Variants in TRAPPC13 observed in about 807,000 individuals in gnomAD.
The protein encoded by TRAPPC13 is trafficking protein particle complex subunit 13, also known as REV7-interacting novel NHEJ regulator 1.
In TRAPPC13, 39 loss-of-function variants were observed where a neutral mutation model predicts 54.0. The observed-to-expected ratio is 0.72, with a 90% CI of 0.56 to 0.94. TRAPPC13 has a LOEUF of 0.94. TRAPPC13 is among the 40% of genes least tolerant of loss of function. The pLI, the probability that TRAPPC13 is intolerant of heterozygous loss-of-function variation, is 0.00. For missense variants in TRAPPC13, 386 were observed against 488.1 expected (o/e 0.79, Z 1.97); for synonymous variants, 148 against 167.7 (o/e 0.88, Z 0.91).
At chr5:65,627,545 A>C (rs958897040) in intron 1 of TRAPPC13, among the ~76,000 whole-genome samples, 11 of 151,852 alleles carry the variant, frequency 7.2e-5, no homozygotes, top group Middle Eastern at 3.4e-3. Context: ...CACAAGAATC[A>C]CTTGACCCTG....
intron 4 of TRAPPC13, among the ~76,000 whole-genome samples, chr5:65,640,957 A>C (rs1755943093): frequency 6.7e-6 from 1 of 150,298 alleles, no homozygotes; most frequent in Non-Finnish European, 1.5e-5. Flanking sequence ...TTTTTGAGAG[A>C]GGATCTAGCT....
intron 1 of TRAPPC13, among the ~76,000 whole-genome samples, chr5:65,633,016 G>T (rs1236899048): frequency 6.6e-6 from 1 of 152,126 alleles, no homozygotes; most frequent in Non-Finnish European, 1.5e-5. Flanking sequence ...CATGGAGTTT[G>T]GAAAGGAGTG....
rs1204533712 is a variant in TRAPPC13 at position 65,658,348 on chromosome 5, T to C, written c.565-20T>C. ...TTAAATGCCACCACACCTTGGTGGATATTTTTTTCATATCCTCAGACTGAT... is the reference window on the plus strand; with the variant it reads ...TTAAATGCCACCACACCTTGGTGGACATTTTTTTCATATCCTCAGACTGAT... On this transcript the variant is annotated intron_variant, in intron 8 of 12. Transcript: ENST00000399438. The C allele has an allele frequency of 2.5e-6, 4 of 1,576,180 alleles. No individual in the cohort carries two copies. The South Asian group carries it at 3.5e-5, about 14-fold the overall frequency.
In TRAPPC13 at chr5:65,650,824, T is replaced by C. The variant is rs1756401593; in HGVS notation, c.443T>C (p.Val148Ala). 3.1e-6 allele frequency: 5 copies of C among 1,613,056 alleles called. No homozygotes were observed. The highest frequency in any genetic ancestry group is 4.2e-6 in the Non-Finnish European group (5 of 1,179,658). ...EIGTHILVCA[V>A]SYTTQAGEKM... ...TTCTGTTTCAGCTTGGTATGTGCTG[T>C]GAGTTATACAACTCAGGCTGGAGAA... The change falls in exon 6 of 13, where the codon GTG (valine) becomes GCG (alanine). Residue 148 changes from valine to alanine, a missense_variant. By Grantham distance (64) the Val-to-Ala change is moderately conservative. Coordinates refer to ENST00000399438, the MANE Select transcript of TRAPPC13 (RefSeq NM_024941.4).
chr5:65,630,301 T>C lies in TRAPPC13; in HGVS notation c.47-5000T>C, dbSNP rs570434323. On this transcript the variant is annotated intron_variant, in intron 1 of 12. Coordinates refer to ENST00000399438, the MANE Select transcript of TRAPPC13 (RefSeq NM_024941.4). The stretch of plus-strand genomic sequence containing the variant: ...GATTAGCTCTTACTGGAAAAATTAA[T>C]TTATTTGTGCATAAATATGGTGTTA... 9.1e-6 allele frequency: 14 copies of C among 1,530,062 alleles called. No homozygotes were observed. In the South Asian group the frequency reaches 1.1e-4, roughly 12 times the overall value. 94.8% of individuals were successfully genotyped at this position (1,530,062 alleles called of 1,614,324 possible).
chr5:65,625,911 G>C (rs1421396210), intron 1 of TRAPPC13: 1 of 152,130 alleles, frequency 6.6e-6, no homozygotes. Flanking sequence ...ATTGAATTGC[G>C]CTTACTTTAC....
rs778318100 is a variant in TRAPPC13 at position 65,664,501 on chromosome 5, T to C, written c.1147-3T>C. On this transcript the variant is annotated splice_region_variant and splice_polypyrimidine_tract_variant and intron_variant, in intron 12 of 12. Coordinates refer to ENST00000399438, the MANE Select transcript of TRAPPC13 (RefSeq NM_024941.4). ...TTAGACTCATCTCTCTCTCTCTCAATAGAGCATCTCTGGCTTAAGACTAAC... is the reference window on the plus strand; with the variant it reads ...TTAGACTCATCTCTCTCTCTCTCAACAGAGCATCTCTGGCTTAAGACTAAC... The C allele has an allele frequency of 6.2e-7, 1 of 1,604,406 alleles. No individual in the cohort carries two copies.
At chr5:65,641,415 G>A (rs1331248998) in intron 4 of TRAPPC13, among the ~76,000 whole-genome samples, 1 of 152,134 alleles carries the variant, frequency 6.6e-6, no homozygotes, top group Admixed American at 6.6e-5. Context: ...GGAACAATAT[G>A]TGCATCAGGC....
At chr5:65,655,983 C>T (rs1023109604) in intron 8 of TRAPPC13, among the ~76,000 whole-genome samples, 4 of 151,872 alleles carry the variant, frequency 2.6e-5, no homozygotes, top group Admixed American at 1.3e-4. Context: ...GTAAAATACC[C>T]GATTATCCTA....
chr5:65,665,440 G>T lies in TRAPPC13; in HGVS notation c.*829G>T, dbSNP rs192471807. The T allele has an allele frequency of 6.6e-6, 1 of 152,112 alleles. No individual in the cohort carries two copies. Among genetic ancestry groups the T allele is most frequent in the East Asian group, 1.9e-4 (1 of 5,182 alleles). The allele number at this position is 152,112 out of a possible 1,614,324, so 9.4% of individuals were successfully genotyped here. The stretch of plus-strand genomic sequence containing the variant: ...TAGTTGTTTTCAAAATTACTGTAAT[G>T]GTTTGTGTCTGTATTTGTATATTAT... On this transcript the variant is annotated 3_prime_UTR_variant, in exon 13 of 13. Transcript: ENST00000399438.
chr5:65,631,338 G>A (rs1457414077), intron 1 of TRAPPC13, among the ~76,000 whole-genome samples: 2 of 152,126 alleles, frequency 1.3e-5, no homozygotes, highest in Admixed American at 6.5e-5. Context: ...AGATGGCTGA[G>A]GTTGCTTAAA....
intron 6 of TRAPPC13, 140 bp downstream of exon 6, chr5:65,651,022 A>G: frequency 1.6e-6 from 1 of 640,628 alleles, no homozygotes; most frequent in Non-Finnish European, 2.8e-6. Context: ...TCATATGACT[A>G]GCAGTCTAAA....
At position 65,653,104 on chromosome 5, in the gene TRAPPC13, T is replaced by TA. The variant is rs747220385; in HGVS notation, c.546+568dup. On this transcript the variant is annotated intron_variant, in intron 7 of 12. Transcript: ENST00000399438. ...ATAGAAGATACTCTATCTTTTACCC[T>TA]AAAAAAAAAGAGATAAAATAGAACT... 3.1e-3 allele frequency among the ~76,000 whole-genome samples: 188 copies of TA among 60,294 alleles called. 2 individuals are homozygous for TA. Among genetic ancestry groups the TA allele is most frequent in the East Asian group, 4.3e-3 (13 of 2,992 alleles). 39.6% of individuals were successfully genotyped at this position (60,294 alleles called of 152,430 possible).
intron 11 of TRAPPC13, chr5:65,663,985 T>C (rs574464107): frequency 2.9e-5 from 12 of 421,040 alleles, no homozygotes; most frequent in African/African-American, 1.8e-4. Context: ...TGTTGAGTAA[T>C]AGAACCAGAA....
chr5:65,636,117 A>G, intron 3 of TRAPPC13, 74 bp downstream of exon 3: 2 of 830,196 alleles, frequency 2.4e-6, no homozygotes, highest in Non-Finnish European at 3.8e-6. Context: ...GAACCATGGG[A>G]TGGGGAAATG....
In TRAPPC13 at chr5:65,664,486, C is replaced by T. The variant is rs1188686162; in HGVS notation, c.1147-18C>T. ...TGAATGAATGAAAACTTAGACTCAT[C>T]TCTCTCTCTCTCAATAGAGCATCTC... On this transcript the variant is annotated intron_variant, in intron 12 of 12. Transcript: ENST00000399438. The T allele has an allele frequency of 1.3e-6, 2 of 1,550,474 alleles. No individual in the cohort carries two copies. Among genetic ancestry groups the T allele is most frequent in the Non-Finnish European group, 1.8e-6 (2 of 1,136,824 alleles).
chr5:65,627,251 A>G (rs554740446), intron 1 of TRAPPC13, among the ~76,000 whole-genome samples: 1 of 151,936 alleles, frequency 6.6e-6, no homozygotes, highest in South Asian at 2.1e-4. Context: ...TAGTTAACCC[A>G]TTGTTCTAGT....
intron 11 of TRAPPC13, 88 bp from the exon 12 acceptor site, chr5:65,664,149 A>G (rs754183080): frequency 4.9e-4 from 663 of 1,356,118 alleles, no homozygotes; most frequent in Non-Finnish European, 6.4e-4. Flanking sequence ...TATGGAGAAA[A>G]CAAGTTTACT....
At position 65,652,519 on chromosome 5, in the gene TRAPPC13, G is replaced by A. The variant is rs760913359; in HGVS notation, c.520G>A (p.Val174Met). 1.9e-6 allele frequency: 3 copies of A among 1,609,706 alleles called. No individual in the cohort carries two copies. Among genetic ancestry groups the A allele is most frequent in the East Asian group, 2.2e-5 (1 of 44,702 alleles). The stretch of plus-strand genomic sequence containing the variant: ...TAACCAGGTTCTCAAACCATTGGAT[G>A]TGAAAACCAAATTTTACAATGCAGA... The part of the protein sequence containing the change: ...FKFQVLKPLD[V>M]KTKFYNAESD... The change falls in exon 7 of 13, where the codon GTG becomes ATG. Residue 174 changes from valine to methionine, a missense_variant. Physicochemically the swap from Val to Met is conservative, Grantham distance 21 (BLOSUM62 1). Coordinates refer to ENST00000399438, the MANE Select transcript of TRAPPC13 (RefSeq NM_024941.4).
Sources: allele counts gnomAD v4.1 joint callset (sites outside exome capture counted in the v4.1 genomes callset), GRCh38; gene constraint gnomAD v4.1.1; transcripts MANE v1.5; gene names NCBI Gene and HGNC (gene_info 2026-07-23, HGNC 2026-07-21).